Variants in FHOD3 observed in about 807,000 individuals in gnomAD.
FHOD3 encodes FH1/FH2 domain-containing protein 3.
A neutral mutation model predicts 173.0 loss-of-function variants in FHOD3; 90 were observed. That is an observed-to-expected ratio of 0.52 (90% CI 0.44 to 0.62). The LOEUF is 0.62. Among genes scored for constraint, FHOD3 ranks in the 20% least tolerant of loss-of-function variants. FHOD3 has a pLI of 0.00. For missense variants in FHOD3, 1,945 were observed against 2,034.7 expected, an observed-to-expected ratio of 0.96 and a Z score of 0.85; for synonymous variants, 828 against 823.0, an observed-to-expected ratio of 1.01 and a Z score of -0.10.
intron 5 of FHOD3, among the ~76,000 whole-genome samples, chr18:36,523,335 G>A (rs1395293516): frequency 2.6e-5 from 4 of 152,216 alleles, no homozygotes; most frequent in Non-Finnish European, 5.9e-5. Flanking sequence ...CAACGAGCAG[G>A]AGTTAAAAGA....
chr18:36,720,211 G>A (rs1489913336), intron 19 of FHOD3, among the ~76,000 whole-genome samples: 1 of 149,360 alleles, frequency 6.7e-6, no homozygotes, highest in Non-Finnish European at 1.5e-5. Flanking sequence ...GTGGTGCCGA[G>A]CCATCCACAT....
chr18:36,399,797 G>A lies in FHOD3; in HGVS notation c.337+27053G>A, dbSNP rs145735537. The stretch of plus-strand genomic sequence containing the variant: ...CCAGGATCAACTGTTTATAGCCACC[G>A]CCAGGAAGATGCTCTGAGCTCCCAT... On this transcript the variant is annotated intron_variant, in intron 3 of 28. Coordinates refer to ENST00000590592, the MANE Select transcript of FHOD3 (RefSeq NM_001281740.3). Among the ~76,000 whole-genome samples the A allele has an allele frequency of 4.5e-4, 69 of 152,286 alleles. No homozygotes were observed. In the East Asian group the frequency reaches 0.013, roughly 28 times the overall value.
intron 5 of FHOD3, among the ~76,000 whole-genome samples, chr18:36,567,142 G>A (rs2058293850): frequency 6.6e-6 from 1 of 152,144 alleles, no homozygotes; most frequent in Non-Finnish European, 1.5e-5. Flanking sequence ...GTGCTGAGGG[G>A]GAAGGGAAGT....
intron 3 of FHOD3, among the ~76,000 whole-genome samples, chr18:36,468,528 GC>G (rs1421265289): frequency 3.3e-5 from 5 of 152,196 alleles, no homozygotes; most frequent in Non-Finnish European, 7.4e-5. Context: ...TTCTGGCTGT[GC>G]CCTGTGGGTG....
rs1276820965 is a variant in FHOD3, at chr18:36,760,785, A to G, written c.4624+3A>G. Reference sequence around the variant, plus strand: ...CACACGCAGCCGAGCAAGCCGAGGTAACTCCTGGCTGCGCGGGGCTCGTCT... The same window carrying G: ...CACACGCAGCCGAGCAAGCCGAGGTGACTCCTGGCTGCGCGGGGCTCGTCT... On this transcript the variant is annotated splice_donor_region_variant and intron_variant, in intron 27 of 28. Transcript: ENST00000590592. 3.1e-6 allele frequency: 5 copies of G among 1,607,794 alleles called. No individual in the cohort carries two copies. In the Admixed American group the frequency reaches 6.7e-5, roughly 22 times the overall value.
Position 36,371,217 on chromosome 18 carries a change from T to C in FHOD3, c.273-1463T>C, listed in dbSNP as rs575871982. Among the ~76,000 whole-genome samples the C allele has an allele frequency of 2.6e-5, 4 of 152,332 alleles. No homozygotes were observed. The South Asian group carries it at 8.3e-4, about 32-fold the overall frequency. On this transcript the variant is annotated intron_variant, in intron 2 of 28. Transcript: ENST00000590592. Reference sequence around the variant, plus strand: ...TGCTCAGCTGGAGGCTACTGCATGCTTTGCAATTATGCAGCTGGGTTTCCT... The same window carrying C: ...TGCTCAGCTGGAGGCTACTGCATGCCTTGCAATTATGCAGCTGGGTTTCCT...
intron 25 of FHOD3, among the ~76,000 whole-genome samples, chr18:36,758,013 G>A (rs2042705778): frequency 6.6e-6 from 1 of 152,188 alleles, no homozygotes; most frequent in South Asian, 2.1e-4. Context: ...GAAAGGGAAT[G>A]ATGATTACTT....
intron 3 of FHOD3, among the ~76,000 whole-genome samples, chr18:36,401,524 T>C (rs943378298): frequency 6.6e-6 from 1 of 152,216 alleles, no homozygotes; most frequent in Non-Finnish European, 1.5e-5. Flanking sequence ...GGTGGGCACA[T>C]GTCTTCAGAG....
chr18:36,560,950 A>AT (rs889872803), intron 5 of FHOD3, among the ~76,000 whole-genome samples: 4 of 148,346 alleles, frequency 2.7e-5, no homozygotes, highest in African/African-American at 1.0e-4. Context: ...CTTTTCATAT[A>AT]TTTTTTTCTG....
chr18:36,571,777 A>G (rs945177643), intron 5 of FHOD3, among the ~76,000 whole-genome samples: 4 of 152,224 alleles, frequency 2.6e-5, no homozygotes, highest in African/African-American at 9.6e-5. Flanking sequence ...AACAAATGGC[A>G]TTAGTTGGAC....
intron 5 of FHOD3, among the ~76,000 whole-genome samples, chr18:36,559,267 G>T (rs1444954840): frequency 1.3e-5 from 2 of 152,126 alleles, no homozygotes; most frequent in Non-Finnish European, 2.9e-5. Flanking sequence ...ACCCACAACT[G>T]ACTACTCAGT....
chr18:36,516,558 G>A (rs4799420), intron 5 of FHOD3, among the ~76,000 whole-genome samples: 9,042 of 152,240 alleles, frequency 0.059, 493 homozygotes, highest in South Asian at 0.22. Flanking sequence ...TGGAGAAGAC[G>A]AACTGGCTGG....
rs2091833506 is a variant in FHOD3, at chr18:36,297,810, C to CG, written c.-26_-25insG. On this transcript the variant is annotated 5_prime_UTR_variant, in exon 1 of 29. Coordinates refer to ENST00000590592, the MANE Select transcript of FHOD3 (RefSeq NM_001281740.3). ...CCCGCGGCCCCGCTAACCCCGGGGC[C>CG]CGCGCCCCCGCGGCAGGGATGCATC... is the stretch of plus-strand genomic sequence containing the variant. The CG allele has an allele frequency of 8.7e-6, 13 of 1,493,948 alleles. No individual in the cohort carries two copies. Among genetic ancestry groups the CG allele is most frequent in the Non-Finnish European group, 1.2e-5 (13 of 1,120,194 alleles). The allele number at this position is 1,493,948 out of a possible 1,614,324, so 92.5% of individuals were successfully genotyped here. A position where few individuals can be genotyped will look rare whatever the true frequency, so the allele number is the denominator to read the frequency against.
Position 36,611,991 on chromosome 18 carries a change from G to A in FHOD3, c.853G>A (p.Val285Ile), listed in dbSNP as rs200811037. 1.7e-5 allele frequency: 27 copies of A among 1,614,102 alleles called. No individual in the cohort carries two copies. Among genetic ancestry groups the A allele is most frequent in the East Asian group, 8.9e-5 (4 of 44,870 alleles). Residue 285 changes from valine to isoleucine, a missense_variant, in exon 9 of 29, where the codon GTC becomes ATC. By Grantham distance (29) the Val-to-Ile change is conservative. Coordinates refer to ENST00000590592, the MANE Select transcript of FHOD3 (RefSeq NM_001281740.3). Reference sequence around the variant, plus strand: ...ACCAGACCAAGACACCTTCTACGACGTCGTGGACTGCCTGGAGGAGCTGGG... The same window carrying A: ...ACCAGACCAAGACACCTTCTACGACATCGTGGACTGCCTGGAGGAGCTGGG... ...GLPDQDTFYDVVDCLEELGIA... is the reference protein window; with the variant it reads ...GLPDQDTFYDIVDCLEELGIA...
chr18:36,724,965 C>A (rs2040982671), intron 19 of FHOD3, among the ~76,000 whole-genome samples: 1 of 152,242 alleles, frequency 6.6e-6, no homozygotes, highest in South Asian at 2.1e-4. Flanking sequence ...GCAAGGTCCT[C>A]TCTTTCCTTG....
intron 7 of FHOD3, among the ~76,000 whole-genome samples, chr18:36,598,974 G>T (rs2030934955): frequency 1.3e-5 from 2 of 152,196 alleles, no homozygotes; most frequent in Non-Finnish European, 2.9e-5. Flanking sequence ...CAGACCACTG[G>T]ATCATCTTCT....
intron 3 of FHOD3, among the ~76,000 whole-genome samples, chr18:36,405,353 A>G (rs969483316): frequency 2.0e-5 from 3 of 152,248 alleles, no homozygotes; most frequent in African/African-American, 7.2e-5. Flanking sequence ...AACATTTACA[A>G]TTGCAGAAGG....
chr18:36,320,881 C>G (rs1364847164), intron 1 of FHOD3, among the ~76,000 whole-genome samples: 1 of 152,138 alleles, frequency 6.6e-6, no homozygotes, highest in Non-Finnish European at 1.5e-5. Context: ...AGAAAACAGG[C>G]AGAAATCCTG....
intron 15 of FHOD3, among the ~76,000 whole-genome samples, chr18:36,686,671 G>C (rs1468752714): frequency 1.3e-5 from 2 of 151,220 alleles, no homozygotes; most frequent in Non-Finnish European, 2.9e-5. Context: ...GTTGTGGAAG[G>C]AATATTCAGC....
Sources: allele counts gnomAD v4.1 joint callset (sites outside exome capture counted in the v4.1 genomes callset), GRCh38; gene constraint gnomAD v4.1.1; transcripts MANE v1.5; gene names NCBI Gene and HGNC (gene_info 2026-07-23, HGNC 2026-07-21).